The following CMIP variants were observed in gnomAD, a reference collection of about 807,000 sequenced individuals.
The protein encoded by CMIP is C-Maf-inducing protein.
A neutral mutation model predicts 97.3 loss-of-function variants in CMIP; 13 were observed. The observed-to-expected ratio is 0.13, with a 90% CI of 0.09 to 0.21. The LOEUF (loss-of-function observed/expected upper bound fraction) is 0.21, where lower values mean the gene tolerates loss of function less well. Among genes scored for constraint, CMIP ranks in the 10% least tolerant of loss-of-function variants. CMIP has a pLI of 1.00. For synonymous variants in CMIP, 538 were observed against 436.3 expected, an observed-to-expected ratio of 1.23 and a Z score of -2.91; for missense variants, 847 against 1,024.9, an observed-to-expected ratio of 0.83 and a Z score of 2.37.
intron 1 of CMIP, among the ~76,000 whole-genome samples, chr16:81,487,376 A>T (rs1445038983): frequency 1.3e-5 from 2 of 152,262 alleles, no homozygotes; most frequent in East Asian, 3.9e-4. Flanking sequence ...GTCAGGGCCG[A>T]GTGGGGCTCT....
intron 1 of CMIP, among the ~76,000 whole-genome samples, chr16:81,553,461 G>C (rs1159580021): frequency 1.3e-5 from 2 of 152,234 alleles, no homozygotes; most frequent in African/African-American, 4.8e-5. Context: ...GGGCCAGAAA[G>C]GGTGATTGTT....
chr16:81,547,280 T>A (rs965674041), intron 1 of CMIP, among the ~76,000 whole-genome samples: 2 of 152,162 alleles, frequency 1.3e-5, no homozygotes, highest in Non-Finnish European at 2.9e-5. Context: ...ATGTCATGTT[T>A]ATGTGGCCGA....
At chr16:81,678,749 G>C (rs891438408) in intron 10 of CMIP, 121 bp downstream of exon 10, 1 of 604,948 alleles carries the variant, frequency 1.7e-6, no homozygotes, top group Non-Finnish European at 2.9e-6. Context: ...AGAGTGGCTT[G>C]TGTGTGAGTG....
intron 13 of CMIP, 70 bp downstream of exon 13, chr16:81,693,557 G>A (rs542093530): frequency 6.6e-7 from 1 of 1,520,786 alleles, no homozygotes; most frequent in Admixed American, 1.9e-5. Flanking sequence ...GCCCCTTAGA[G>A]GCCTTCTGAA....
Position 81,545,752 on chromosome 16 carries a change from C to T in CMIP, c.301-61815C>T, listed in dbSNP as rs775426056. Among the ~76,000 whole-genome samples the T allele has an allele frequency of 5.3e-5, 8 of 152,328 alleles. No individual in the cohort carries two copies. In the South Asian group the frequency reaches 1.7e-3, roughly 32 times the overall value. Reference sequence around the variant, plus strand: ...ATGATGGTGGTTTTCAAGCTCCAAACGCCCAGCTTACCTGGGCATAGAAGC... The same window carrying T: ...ATGATGGTGGTTTTCAAGCTCCAAATGCCCAGCTTACCTGGGCATAGAAGC... On this transcript the variant is annotated intron_variant, in intron 1 of 20. Transcript: ENST00000537098.
rs1036100683 is a variant in CMIP at position 81,616,933 on chromosome 16, A to C, written c.427-3943A>C. The stretch of plus-strand genomic sequence containing the variant: ...GCAGGAAGTCACAGGGGGCGTGGCC[A>C]GGCCAGGCAGCTGGGGCCCAGGAGG... On this transcript the variant is annotated intron_variant, in intron 2 of 20. Transcript: ENST00000537098. The surrounding 1 kb of genome is among the most constrained non-coding windows in gnomAD (Gnocchi z 4.7). 6.5e-6 allele frequency: 1 copy of C among 152,732 alleles called. No individual in the cohort carries two copies. The highest frequency in any genetic ancestry group is 2.4e-5 in the African/African-American group (1 of 41,476). The allele number at this position is 152,732 out of a possible 1,614,324, so 9.5% of individuals were successfully genotyped here. A position where few individuals can be genotyped will look rare whatever the true frequency, so the allele number is the denominator to read the frequency against.
At chr16:81,665,564 C>G (rs1597216404) in intron 7 of CMIP, 1 of 152,134 alleles carries the variant, frequency 6.6e-6, no homozygotes, top group South Asian at 2.1e-4. Context: ...AGGCCAGGGC[C>G]CATTCCCAAT....
chr16:81,684,830 C>G (rs1053075119), intron 10 of CMIP, among the ~76,000 whole-genome samples: 1 of 152,112 alleles, frequency 6.6e-6, no homozygotes, highest in African/African-American at 2.4e-5. Flanking sequence ...TTTCTCCTTC[C>G]TAGGTGGGCA....
chr16:81,657,047 AT>A (rs10717517), intron 4 of CMIP, among the ~76,000 whole-genome samples: 62,880 of 151,412 alleles, frequency 0.42, 13,372 homozygotes, highest in Middle Eastern at 0.58. Context: ...ATATTCCAAA[AT>A]TTAAAAAAAA....
At chr16:81,496,920 C>G (rs1567544344) in intron 1 of CMIP, among the ~76,000 whole-genome samples, 1 of 152,278 alleles carries the variant, frequency 6.6e-6, no homozygotes, top group South Asian at 2.1e-4. Flanking sequence ...CCACCCACAG[C>G]CTGGCAGCTG....
At chr16:81,536,763 T>C (rs955097306) in intron 1 of CMIP, among the ~76,000 whole-genome samples, 2 of 152,078 alleles carry the variant, frequency 1.3e-5, no homozygotes, top group Non-Finnish European at 2.9e-5. Context: ...CTTTTTTTTT[T>C]CCAGTAAAAT....
intron 3 of CMIP, among the ~76,000 whole-genome samples, chr16:81,639,884 A>G (rs1343993732): frequency 6.6e-5 from 10 of 152,140 alleles, no homozygotes; most frequent in Admixed American, 6.6e-4. Context: ...CCTGCCTGAT[A>G]GAGTCATTTG....
chr16:81,558,303 T>G (rs2090808702), intron 1 of CMIP, among the ~76,000 whole-genome samples: 2 of 152,062 alleles, frequency 1.3e-5, no homozygotes, highest in Admixed American at 6.6e-5. Flanking sequence ...TGCTTCCGCC[T>G]CTCGGCCGTT....
intron 19 of CMIP, among the ~76,000 whole-genome samples, chr16:81,706,586 G>A (rs1030309304): frequency 9.2e-5 from 14 of 152,342 alleles, no homozygotes; most frequent in African/African-American, 2.6e-4. Flanking sequence ...TCTGCCCCCC[G>A]TGCGACTCCA....
chr16:81,554,952 A>T (rs72829028), intron 1 of CMIP, among the ~76,000 whole-genome samples: 15,784 of 152,170 alleles, frequency 0.1, 886 homozygotes, highest in East Asian at 0.26. Flanking sequence ...GCTCCTAGGG[A>T]TGCCCCCCAG....
chr16:81,495,608 G>A, intron 1 of CMIP: 1 of 1,105,366 alleles, frequency 9.0e-7, no homozygotes, highest in Admixed American at 2.4e-5. Context: ...CTCAGAGGGT[G>A]GGCAGGTGTG....
At chr16:81,705,453 C>A in intron 18 of CMIP, 46 bp from the exon 19 acceptor site, 2 of 1,382,534 alleles carry the variant, frequency 1.4e-6, no homozygotes, top group Non-Finnish European at 2.0e-6. Context: ...AGAGTCACTT[C>A]CCCAGGAGTG....
intron 1 of CMIP, among the ~76,000 whole-genome samples, chr16:81,450,664 A>G (rs1364446808): frequency 6.6e-6 from 1 of 152,196 alleles, no homozygotes; most frequent in East Asian, 1.9e-4. Flanking sequence ...GGGGAAAGCT[A>G]GGGGTGTTTA....
rs564776958 is a variant in CMIP at position 81,661,329 on chromosome 16, A to T, written c.744+383A>T. On this transcript the variant is annotated intron_variant, in intron 6 of 20. Coordinates refer to ENST00000537098, the MANE Select transcript of CMIP (RefSeq NM_198390.3). Reference sequence around the variant, plus strand: ...GGGGCTTTCCCTGAACACGGGAGGCAGCACGGTGCTCCAGGTTAGCTTAGA... The same window carrying T: ...GGGGCTTTCCCTGAACACGGGAGGCTGCACGGTGCTCCAGGTTAGCTTAGA... Among the ~76,000 whole-genome samples the T allele has an allele frequency of 3.0e-4, 45 of 152,374 alleles. No individual in the cohort carries two copies. The South Asian group carries it at 8.3e-3, about 28-fold the overall frequency.
Sources: allele counts gnomAD v4.1 joint callset (sites outside exome capture counted in the v4.1 genomes callset), GRCh38; gene constraint gnomAD v4.1.1; non-coding constraint Gnocchi (gnomAD v3.1); transcripts MANE v1.5; gene names NCBI Gene and HGNC (gene_info 2026-07-23, HGNC 2026-07-21).